The following ARMC2 variants were observed in gnomAD, a reference collection of about 807,000 sequenced individuals.
The protein encoded by ARMC2 is armadillo repeat-containing protein 2.
In ARMC2, 67 loss-of-function variants were observed where a neutral mutation model predicts 90.3. The observed-to-expected ratio is 0.74, with a 90% CI of 0.61 to 0.91. The LOEUF is 0.91. ARMC2 is among the 40% of genes least tolerant of loss of function. ARMC2 has a pLI of 0.00. For missense variants in ARMC2, 920 were observed against 1,030.9 expected (o/e 0.89, Z 1.47); for synonymous variants, 393 against 393.0 (o/e 1.00, Z 0.00).
the ARMC2 span, among the ~76,000 whole-genome samples, chr6:109,028,961 T>G: frequency 6.6e-6 from 1 of 152,224 alleles, no homozygotes; most frequent in South Asian, 2.1e-4. Flanking sequence ...TTTACCTTTA[T>G]GTATATTAAC....
chr6:109,044,299 G>A, the ARMC2 span, among the ~76,000 whole-genome samples: 1 of 86,022 alleles, frequency 1.2e-5, no homozygotes, highest in African/African-American at 4.6e-5. Flanking sequence ...ATGACACAGT[G>A]AGAACTTGCC....
rs202049495 is a variant in ARMC2 at position 108,908,765 on chromosome 6, AGAG to A, written c.1024-2133_1024-2131del. 7.3e-5 allele frequency among the ~76,000 whole-genome samples: 11 copies of A among 151,648 alleles called. No homozygotes were observed. The East Asian group carries it at 2.1e-3, about 29-fold the overall frequency. On this transcript the variant is annotated intron_variant, in intron 8 of 17. Transcript: ENST00000392644. ...GACCCTGTCTCTGAAAAAAAAGAAA[AGAG>A]AGAGAGAGAGAAATGTCGTAGCCGG...
intron 15 of ARMC2, among the ~76,000 whole-genome samples, 196 bp from the exon 16 acceptor site, chr6:108,963,984 C>G (rs1055031505): frequency 3.9e-5 from 6 of 152,170 alleles, no homozygotes; most frequent in African/African-American, 1.4e-4. Context: ...ATTGGGGGAG[C>G]CAACTCTGGG....
At chr6:108,938,847 T>C (rs1374649121) in intron 12 of ARMC2, among the ~76,000 whole-genome samples, 2 of 152,194 alleles carry the variant, frequency 1.3e-5, no homozygotes, top group African/African-American at 4.8e-5. Flanking sequence ...TTTGTTTCTC[T>C]GATTGGAGCT....
chr6:108,858,643 A>C (rs1438603609), intron 3 of ARMC2, among the ~76,000 whole-genome samples: 2 of 150,558 alleles, frequency 1.3e-5, no homozygotes, highest in Admixed American at 6.6e-5. Context: ...ATACATATAT[A>C]AAAATCATAT....
At chr6:108,970,507 T>C (rs1293057653) in intron 17 of ARMC2, among the ~76,000 whole-genome samples, 1 of 145,698 alleles carries the variant, frequency 6.9e-6, no homozygotes, top group African/African-American at 2.5e-5. Context: ...TTTTTTTTTT[T>C]TTTTTTTTGA....
At chr6:108,931,109 G>A (rs1775532656) in intron 11 of ARMC2, among the ~76,000 whole-genome samples, 1 of 151,510 alleles carries the variant, frequency 6.6e-6, no homozygotes. Context: ...AACATCTGTT[G>A]TTTTCTTCTT....
At chr6:108,877,824 A>G (rs1777085632) in intron 5 of ARMC2, among the ~76,000 whole-genome samples, 1 of 152,212 alleles carries the variant, frequency 6.6e-6, no homozygotes, top group Non-Finnish European at 1.5e-5. Context: ...GGGCATTTTC[A>G]TTTATATATT....
At chr6:108,949,113 A>G (rs1263106483) in intron 12 of ARMC2, among the ~76,000 whole-genome samples, 1 of 152,224 alleles carries the variant, frequency 6.6e-6, no homozygotes, top group Non-Finnish European at 1.5e-5. Flanking sequence ...AGGGTACAAA[A>G]TGCAAATATT....
At chr6:108,955,995 T>C (rs1196675576) in intron 13 of ARMC2, among the ~76,000 whole-genome samples, 1 of 152,226 alleles carries the variant, frequency 6.6e-6, no homozygotes, top group East Asian at 1.9e-4. Context: ...TGCCTTTTAA[T>C]GCCTCCTTTG....
chr6:108,992,769 T>C, the ARMC2 span: 2 of 1,467,580 alleles, frequency 1.4e-6, no homozygotes, highest in Non-Finnish European at 1.9e-6. Context: ...ATCATGTGCA[T>C]ACAAGTTGCA....
the ARMC2 span, among the ~76,000 whole-genome samples, chr6:109,005,571 A>G: frequency 6.6e-6 from 1 of 152,222 alleles, no homozygotes; most frequent in African/African-American, 2.4e-5. Flanking sequence ...TAGGTTTACA[A>G]TTCCAAGAAG....
intron 5 of ARMC2, among the ~76,000 whole-genome samples, chr6:108,882,136 T>TAA (rs201951522): frequency 1.4e-5 from 2 of 143,052 alleles, no homozygotes; most frequent in African/African-American, 5.1e-5. Context: ...ATCATTCTCT[T>TAA]AAAAAAAAAA....
the ARMC2 span, among the ~76,000 whole-genome samples, chr6:109,021,936 T>C: frequency 6.6e-6 from 1 of 152,310 alleles, no homozygotes; most frequent in African/African-American, 2.4e-5. Context: ...ACACATATAC[T>C]ATATCTAAAG....
chr6:109,051,535 T>C, the ARMC2 span, among the ~76,000 whole-genome samples: 2 of 152,178 alleles, frequency 1.3e-5, no homozygotes, highest in Non-Finnish European at 2.9e-5. Flanking sequence ...AGGTCAAAGA[T>C]GGGGTTCTAA....
chr6:109,045,300 T>C, the ARMC2 span, among the ~76,000 whole-genome samples: 1 of 152,194 alleles, frequency 6.6e-6, no homozygotes, highest in Admixed American at 6.5e-5. Flanking sequence ...TCTCCCAGAT[T>C]AGAACGATAG....
the ARMC2 span, chr6:108,998,773 AAAG>A: frequency 6.3e-7 from 1 of 1,592,666 alleles, no homozygotes; most frequent in Non-Finnish European, 8.6e-7. Context: ...GGAAAAAAAA[AAAG>A]AATATATTTT....
At position 108,973,393 on chromosome 6, in the gene ARMC2, A is replaced by G. The variant is rs1778892515; in HGVS notation, c.2483A>G (p.Asp828Gly). 1.2e-6 allele frequency: 2 copies of G among 1,613,630 alleles called. No homozygotes were observed. The highest frequency in any genetic ancestry group is 2.2e-5 in the South Asian group (2 of 91,064). ...ELALDGSFDPDLKNYHKLHWE... is the reference protein window; with the variant it reads ...ELALDGSFDPGLKNYHKLHWE... ...GCACTGGATGGCAGTTTTGATCCAG[A>G]CCTAAAAAACTATCACAAACTCCAT... The change falls in exon 18 of 18, where the codon GAC (aspartate) becomes GGC (glycine). Residue 828 changes from aspartate to glycine, a missense_variant. Coordinates refer to ENST00000392644, the MANE Select transcript of ARMC2 (RefSeq NM_032131.6).
intron 12 of ARMC2, among the ~76,000 whole-genome samples, chr6:108,941,375 T>C (rs1293645531): frequency 1.3e-5 from 2 of 152,200 alleles, no homozygotes; most frequent in Non-Finnish European, 2.9e-5. Flanking sequence ...CCAAGCAGTA[T>C]GCCTATGGCC....
Sources: allele counts gnomAD v4.1 joint callset (sites outside exome capture counted in the v4.1 genomes callset), GRCh38; gene constraint gnomAD v4.1.1; transcripts MANE v1.5; gene names NCBI Gene and HGNC (gene_info 2026-07-23, HGNC 2026-07-21).